The following CTCF variants were observed in gnomAD, a reference collection of about 807,000 sequenced individuals.
CTCF encodes transcriptional repressor CTCF.
Under a neutral mutation model 72.3 loss-of-function variants are expected in CTCF, and 7 were observed. The ratio of observed to expected loss-of-function variants is 0.10; its 90% CI spans 0.06 to 0.18. The LOEUF (loss-of-function observed/expected upper bound fraction) is 0.18. Ranked by LOEUF, CTCF falls within the 10% of genes least tolerant of loss-of-function variation. The probability of loss-of-function intolerance (pLI) is 1.00; values close to 1 mark genes in which losing one functional copy is unlikely to be tolerated. For synonymous variants in CTCF, 374 were observed against 315.8 expected, an observed-to-expected ratio of 1.18 and a Z score of -1.95; for missense variants, 516 against 949.1, an observed-to-expected ratio of 0.54 and a Z score of 6.00.
chr16:67,568,559 T>A (rs1435021464), intron 1 of CTCF: 1 of 152,078 alleles, frequency 6.6e-6, no homozygotes, highest in Non-Finnish European at 1.5e-5. Flanking sequence ...CAGCTAGTTT[T>A]TGTATTTTTA....
chr16:67,637,606 C>T lies in CTCF; in HGVS notation c.2000-82C>T, dbSNP rs1383120163. On this transcript the variant is annotated intron_variant, in intron 11 of 11. Coordinates refer to ENST00000264010, the MANE Select transcript of CTCF (RefSeq NM_006565.4). ...AGGCTGTCCTGCATTGCTGACATCC[C>T]GTTCGCTGTCAGTCTAAAAGACCCT... 2.6e-5 allele frequency: 30 copies of T among 1,148,552 alleles called. No homozygotes were observed. The African/African-American group carries it at 2.8e-4, about 11-fold the overall frequency. The allele number at this position is 1,148,552 out of a possible 1,614,324, so 71.1% of individuals were successfully genotyped here.
At chr16:67,590,204 C>T (rs893739939) in intron 2 of CTCF, among the ~76,000 whole-genome samples, 7 of 150,338 alleles carry the variant, frequency 4.7e-5, no homozygotes, top group Non-Finnish European at 1.0e-4. Flanking sequence ...CTTTATTATT[C>T]TTTGTAGCAA....
Position 67,611,534 on chromosome 16 carries a change from G to T in CTCF, c.702G>T (p.Glu234Asp), listed in dbSNP as rs373979002. 104 of 1,613,874 alleles carry T rather than the reference G, an allele frequency of 6.4e-5. No homozygotes were observed. Among genetic ancestry groups the T allele is most frequent in the Non-Finnish European group, 8.3e-5 (98 of 1,179,834 alleles). The change falls in exon 3 of 12, where the codon GAG (glutamate) becomes GAT (aspartate). Residue 234 changes from glutamate (E) to aspartate (D), a missense_variant. Physicochemically the swap from Glu to Asp is conservative, Grantham distance 45 (BLOSUM62 2). Transcript: ENST00000264010. ...ACGATTTTGAGGAAGAACAGCAGGA[G>T]GGTCTGCTATCAGAGGTTAATGCAG... is the stretch of plus-strand genomic sequence containing the variant. ...SVYDFEEEQQ[E>D]GLLSEVNAEK...
intron 2 of CTCF, among the ~76,000 whole-genome samples, chr16:67,602,232 C>T (rs549293288): frequency 1.3e-5 from 2 of 152,142 alleles, no homozygotes; most frequent in Admixed American, 1.3e-4. Flanking sequence ...AATTTTTTTC[C>T]GTTGTCTTCA....
chr16:67,566,194 C>G (rs754632296), intron 1 of CTCF, among the ~76,000 whole-genome samples: 3 of 151,978 alleles, frequency 2.0e-5, no homozygotes, highest in Non-Finnish European at 4.4e-5. Flanking sequence ...ACTTTGAAGA[C>G]CATGGTTCTC....
chr16:67,617,912 C>A (rs922309397), intron 5 of CTCF, among the ~76,000 whole-genome samples: 1 of 152,040 alleles, frequency 6.6e-6, no homozygotes, highest in East Asian at 1.9e-4. Flanking sequence ...TTTAGTAATA[C>A]GTTCTAAAAA....
At chr16:67,613,857 A>G (rs182229352) in intron 4 of CTCF, among the ~76,000 whole-genome samples, 13 of 152,260 alleles carry the variant, frequency 8.5e-5, no homozygotes, top group African/African-American at 2.9e-4. Context: ...GGCATTCTCT[A>G]TCTGGTCTTC....
intron 5 of CTCF, among the ~76,000 whole-genome samples, chr16:67,617,992 T>C (rs561206326): frequency 6.6e-6 from 1 of 152,198 alleles, no homozygotes; most frequent in East Asian, 1.9e-4. Flanking sequence ...GTATATTACA[T>C]TGAAGGATTG....
At chr16:67,577,541 C>T (rs2051515885) in intron 2 of CTCF, among the ~76,000 whole-genome samples, 1 of 150,784 alleles carries the variant, frequency 6.6e-6, no homozygotes, top group Non-Finnish European at 1.5e-5. Flanking sequence ...GGGTTCATGT[C>T]ATTCCCCCGC....
chr16:67,601,483 C>T (rs2051891409), intron 2 of CTCF, among the ~76,000 whole-genome samples: 2 of 151,796 alleles, frequency 1.3e-5, no homozygotes, highest in Admixed American at 1.3e-4. Flanking sequence ...GGACTACAGG[C>T]GCCTGCCACC....
intron 2 of CTCF, among the ~76,000 whole-genome samples, chr16:67,604,041 A>T (rs1225196749): frequency 1.3e-5 from 2 of 150,884 alleles, no homozygotes; most frequent in Non-Finnish European, 1.5e-5. Flanking sequence ...GAGGTGGGAG[A>T]ATCACCTGAG....
At chr16:67,577,881 C>T (rs1316005636) in intron 2 of CTCF, among the ~76,000 whole-genome samples, 1 of 152,138 alleles carries the variant, frequency 6.6e-6, no homozygotes, top group Non-Finnish European at 1.5e-5. Flanking sequence ...AGAGGCAGTT[C>T]TTGCAGTGAT....
intron 2 of CTCF, among the ~76,000 whole-genome samples, chr16:67,581,409 GC>G (rs1443331578): frequency 2.0e-5 from 3 of 150,854 alleles, no homozygotes; most frequent in African/African-American, 7.3e-5. Flanking sequence ...TGCTACCTCT[GC>G]CTCCTGGGGT....
Position 67,636,863 on chromosome 16 carries a change from A to G in CTCF, c.1999+12A>G. ...CAAACAGAACCAGCGTAAGTTGTTC[A>G]TCTCTGCTCTGGAGGCTGGCGTCTT... is the stretch of plus-strand genomic sequence containing the variant. On this transcript the variant is annotated intron_variant, in intron 11 of 11. Transcript: ENST00000264010. The G allele has an allele frequency of 1.3e-6, 2 of 1,519,192 alleles. No individual in the cohort carries two copies. The highest frequency in any genetic ancestry group is 1.8e-6 in the Non-Finnish European group (2 of 1,125,900). 94.1% of individuals were successfully genotyped at this position (1,519,192 alleles called of 1,614,324 possible).
At chr16:67,632,860 C>T (rs566303835) in intron 10 of CTCF, among the ~76,000 whole-genome samples, 3 of 152,194 alleles carry the variant, frequency 2.0e-5, no homozygotes, top group African/African-American at 7.2e-5. Context: ...ACCCACAGAT[C>T]TCTAAATTTA....
At chr16:67,570,146 G>T (rs1041842681) in intron 1 of CTCF, among the ~76,000 whole-genome samples, 2 of 148,784 alleles carry the variant, frequency 1.3e-5, no homozygotes, top group Admixed American at 1.3e-4. Context: ...GCAGGATCTC[G>T]GCTCACTGCA....
At position 67,611,342 on chromosome 16, in the gene CTCF, G is replaced by A. The variant is rs774149823; in HGVS notation, c.510G>A (p.Gly170=). 1 of 1,614,054 alleles carries A rather than the reference G, an allele frequency of 6.2e-7. No homozygotes were observed. Among genetic ancestry groups the A allele is most frequent in the Admixed American group, 1.7e-5 (1 of 60,004 alleles). ...LPEGFQVVKV[G]ANGEVETLEQ... ...AAGGGTTTCAGGTGGTTAAAGTGGG[G>A]GCCAATGGAGAGGTGGAGACACTAG... is the stretch of plus-strand genomic sequence containing the variant. Residue 170 remains glycine, a synonymous_variant, in exon 3 of 12, where the codon GGG becomes GGA. Coordinates refer to ENST00000264010, the MANE Select transcript of CTCF (RefSeq NM_006565.4).
At chr16:67,609,868 T>A (rs573028715) in intron 2 of CTCF, among the ~76,000 whole-genome samples, 2 of 152,048 alleles carry the variant, frequency 1.3e-5, no homozygotes, top group Non-Finnish European at 2.9e-5. Flanking sequence ...TCCGGTAATC[T>A]GCCCGCCTCA....
chr16:67,570,076 AT>A (rs59964661), intron 1 of CTCF, among the ~76,000 whole-genome samples: 1,694 of 138,080 alleles, frequency 0.012, 7 homozygotes, highest in African/African-American at 0.026. Flanking sequence ...ATAAGAATTA[AT>A]TTTTTTTTTT....
Sources: allele counts gnomAD v4.1 joint callset (sites outside exome capture counted in the v4.1 genomes callset), GRCh38; gene constraint gnomAD v4.1.1; transcripts MANE v1.5; gene names NCBI Gene and HGNC (gene_info 2026-07-23, HGNC 2026-07-21).